The following OR2T11 variants were observed in gnomAD, a reference collection of about 807,000 sequenced individuals.
The protein encoded by OR2T11 is olfactory receptor 2T11.
OR2T11 carries 14 observed loss-of-function variants against 13.5 expected under a neutral mutation model. That is an observed-to-expected ratio of 1.04 (90% CI 0.69 to 1.62). The LOEUF is 1.62. Ranked by LOEUF, OR2T11 falls within the 40% of genes most tolerant of loss-of-function variation. OR2T11 has a pLI of 0.00. For synonymous variants in OR2T11, 163 were observed against 154.6 expected, an observed-to-expected ratio of 1.05 and a Z score of -0.40; for missense variants, 410 against 389.7, an observed-to-expected ratio of 1.05 and a Z score of -0.44.
Position 248,626,180 on chromosome 1 carries a change from A to G in OR2T11, c.949T>C (p.Ter317GlnextTer36). The change falls in exon 2 of 2, where the codon TAG (stop) becomes CAG (glutamine). Residue 317 changes from the stop codon to glutamine (Q), a stop_lost. Transcript: ENST00000641193. ...SAQKVATSDA[*>Q] is the part of the protein sequence containing the mutation. ...CTTATCCTCTGGGCAGTGACTCTCT[A>G]AGCATCACTTGTTGCTACTTTCTGA... 2 of 1,460,234 alleles carry G rather than the reference A, an allele frequency of 1.4e-6. No homozygotes were observed. Among genetic ancestry groups the G allele is most frequent in the Non-Finnish European group, 1.9e-6 (2 of 1,056,030 alleles). 90.5% of individuals were successfully genotyped at this position (1,460,234 alleles called of 1,614,324 possible). A position where few individuals can be genotyped will look rare whatever the true frequency, so the allele number is the denominator to read the frequency against.
chr1:248,627,858 G>T (rs1320240664), intron 1 of OR2T11, among the ~76,000 whole-genome samples: 1 of 143,036 alleles, frequency 7.0e-6, no homozygotes, highest in African/African-American at 2.8e-5. Context: ...TATGTCTAAA[G>T]TTGGGACTCC....
rs549129228 is a variant in OR2T11 at position 248,629,237 on chromosome 1, T to A, written c.-144-1965A>T. Among the ~76,000 whole-genome samples, 5 of 141,640 alleles carry A rather than the reference T, an allele frequency of 3.5e-5. 1 individual carries two copies. In the East Asian group the frequency reaches 1.0e-3, roughly 29 times the overall value. The allele number at this position is 141,640 out of a possible 152,430, so 92.9% of individuals were successfully genotyped here. The stretch of plus-strand genomic sequence containing the variant: ...GCCTGGGTAACAGAGCTCGTCTTTA[T>A]AAAAAACTAGCCAGGCGTGGTGGTG... On this transcript the variant is annotated intron_variant, in intron 1 of 1. Transcript: ENST00000641193.
chr1:248,634,223 A>C (rs887018478), intron 1 of OR2T11, among the ~76,000 whole-genome samples: 3 of 93,772 alleles, frequency 3.2e-5, no homozygotes, highest in Non-Finnish European at 6.4e-5. Context: ...AAAAGTTTTA[A>C]GTGCTTGCGA....
chr1:248,628,318 C>T (rs924673126), intron 1 of OR2T11, among the ~76,000 whole-genome samples: 1 of 141,486 alleles, frequency 7.1e-6, no homozygotes, highest in Non-Finnish European at 1.5e-5. Context: ...AATCGCCCCC[C>T]TCTCCCCGCC....
Position 248,634,503 on chromosome 1 carries a change from T to TA in OR2T11, c.-145+534dup, listed in dbSNP as rs1157740975. Among the ~76,000 whole-genome samples, 3 of 143,156 alleles carry TA rather than the reference T, an allele frequency of 2.1e-5. No individual in the cohort carries two copies. The East Asian group carries it at 6.0e-4, about 29-fold the overall frequency. The allele number at this position is 143,156 out of a possible 152,430, so 93.9% of individuals were successfully genotyped here. ...CATGGTCACGGGAGTCACCCAGGTT[T>TA]AAGAAATCCATCCTCAGTACAATCC... On this transcript the variant is annotated intron_variant, in intron 1 of 1. Coordinates refer to ENST00000641193, the MANE Select transcript of OR2T11 (RefSeq NM_001001964.2).
intron 1 of OR2T11, among the ~76,000 whole-genome samples, chr1:248,633,255 C>A (rs1660636854): frequency 7.2e-6 from 1 of 138,350 alleles, no homozygotes; most frequent in South Asian, 2.3e-4. Context: ...TCTAAGTGAC[C>A]ACTGGAATGT....
In OR2T11 at chr1:248,628,535, CA is replaced by C. The variant is rs1318156889; in HGVS notation, c.-144-1264del. Among the ~76,000 whole-genome samples the C allele has an allele frequency of 6.4e-5, 9 of 140,654 alleles. 3 individuals are homozygous for C. Among genetic ancestry groups the C allele is most frequent in the African/African-American group, 2.6e-4 (9 of 35,252 alleles). The allele number at this position is 140,654 out of a possible 152,430, so 92.3% of individuals were successfully genotyped here. Reference sequence around the variant, plus strand: ...CAGCTATGTTTGACTTTCAGATAATCAAAAAATGTTTTAGTGCAAGTTCATA... The same window carrying C: ...CAGCTATGTTTGACTTTCAGATAATCAAAAATGTTTTAGTGCAAGTTCATA... On this transcript the variant is annotated intron_variant, in intron 1 of 1. Transcript: ENST00000641193.
rs903431731 is a variant in OR2T11 at position 248,627,013 on chromosome 1, T to C, written c.116A>G (p.Asn39Ser). The part of the protein sequence containing the change: ...LAVFLGAVTA[N>S]LVMIFLIQVD... ...CTGAATCAAGAATATCATGACCAAA[T>C]TTGCAGTCACGGCCCCCAAGAAAAC... Residue 39 changes from asparagine (N) to serine (S), a missense_variant, in exon 2 of 2, where the codon AAT (asparagine) becomes AGT (serine). Asn to Ser is a conservative substitution (Grantham distance 46). Transcript: ENST00000641193. 1.9e-6 allele frequency: 3 copies of C among 1,569,354 alleles called. No individual in the cohort carries two copies. Among genetic ancestry groups the C allele is most frequent in the Admixed American group, 1.7e-5 (1 of 58,246 alleles).
At chr1:248,634,265 T>C (rs1389478955) in intron 1 of OR2T11, among the ~76,000 whole-genome samples, 1 of 143,104 alleles carries the variant, frequency 7.0e-6, no homozygotes, top group Non-Finnish European at 1.5e-5. Flanking sequence ...AGGTATGTGA[T>C]GATTTAACAA....
At position 248,623,960 on chromosome 1, in the gene OR2T11, G is replaced by C. The variant is rs1438406003; in HGVS notation, c.*2218C>G. ...CTCAAACTTTTGACGGGACCACCCT[G>C]ATCTTTACTCATAGACGCTCTCATT... is the stretch of plus-strand genomic sequence containing the variant. On this transcript the variant is annotated 3_prime_UTR_variant, in exon 2 of 2. Coordinates refer to ENST00000641193, the MANE Select transcript of OR2T11 (RefSeq NM_001001964.2). 7.1e-6 allele frequency: 1 copy of C among 141,426 alleles called. No homozygotes were observed. The highest frequency in any genetic ancestry group is 2.8e-5 in the African/African-American group (1 of 35,512). 8.8% of individuals were successfully genotyped at this position (141,426 alleles called of 1,614,324 possible).
rs376232934 is a variant in OR2T11, at chr1:248,629,673, C to CG, written c.-144-2402dup. On this transcript the variant is annotated intron_variant, in intron 1 of 1. Transcript: ENST00000641193. ...TTACATCATACATTAAGGCCCATCACGTTCTGAACATTTTGTCTTCTGAAA... is the reference window on the plus strand; with the variant it reads ...TTACATCATACATTAAGGCCCATCACGGTTCTGAACATTTTGTCTTCTGAAA... Among the ~76,000 whole-genome samples the CG allele has an allele frequency of 1.6e-4, 22 of 139,518 alleles. 5 individuals carry two copies. Among genetic ancestry groups the CG allele is most frequent in the African/African-American group, 6.3e-4 (22 of 34,720 alleles). 91.5% of individuals were successfully genotyped at this position (139,518 alleles called of 152,430 possible). A position where few individuals can be genotyped will look rare whatever the true frequency, so the allele number is the denominator to read the frequency against.
In OR2T11 at chr1:248,629,636, T is replaced by C. The variant is rs984677103; in HGVS notation, c.-144-2364A>G. On this transcript the variant is annotated intron_variant, in intron 1 of 1. Transcript: ENST00000641193. Reference sequence around the variant, plus strand: ...CCACGCCACTTTCTGCTTGAAACCCTGCAGTTGTGCTTTACATCATACATT... The same window carrying C: ...CCACGCCACTTTCTGCTTGAAACCCCGCAGTTGTGCTTTACATCATACATT... Among the ~76,000 whole-genome samples, 21 of 138,522 alleles carry C rather than the reference T, an allele frequency of 1.5e-4. 2 individuals carry two copies. Among genetic ancestry groups the C allele is most frequent in the Admixed American group, 4.2e-4 (6 of 14,258 alleles). The allele number at this position is 138,522 out of a possible 152,430, so 90.9% of individuals were successfully genotyped here.
rs139210090 is a variant in OR2T11, at chr1:248,634,528, C to A, written c.-145+510G>T. Among the ~76,000 whole-genome samples, 36 of 142,652 alleles carry A rather than the reference C, an allele frequency of 2.5e-4. 2 individuals carry two copies. In the East Asian group the frequency reaches 3.8e-3, roughly 15 times the overall value. 93.6% of individuals were successfully genotyped at this position (142,652 alleles called of 152,430 possible). On this transcript the variant is annotated intron_variant, in intron 1 of 1. Transcript: ENST00000641193. ...TAAGAAATCCATCCTCAGTACAATC[C>A]CAGCTGAAAAAGAAGCTTAAAAATG...
rs761177907 is a variant in OR2T11, at chr1:248,626,596, A to C, written c.533T>G (p.Ile178Ser). The C allele has an allele frequency of 6.4e-6, 10 of 1,573,448 alleles. 1 individual carries two copies. The highest frequency in any genetic ancestry group is 8.6e-6 in the Non-Finnish European group (10 of 1,156,848). Residue 178 changes from isoleucine (I) to serine (S), a missense_variant, in exon 2 of 2, where the codon ATC becomes AGC. Physicochemically the swap from Ile to Ser is moderately radical, Grantham distance 142. Coordinates refer to ENST00000641193, the MANE Select transcript of OR2T11 (RefSeq NM_001001964.2). ...SRSINHFFCE[I>S]PAVLKLACAD... ...ACAGGCCAGTTTCAGAACTGCTGGG[A>C]TCTCACAGAAAAAATGGTTGATACT...
chr1:248,633,209 G>A (rs1267829920), intron 1 of OR2T11, among the ~76,000 whole-genome samples: 7 of 128,530 alleles, frequency 5.4e-5, no homozygotes, highest in East Asian at 2.3e-4. Context: ...AACTGGACAT[G>A]TACTAAATAA....
chr1:248,626,224 A>G lies in OR2T11; in HGVS notation c.905T>C (p.Phe302Ser). ...TTTCTGAGCAGATGAGCAACATGCAAATACCTTTTTAAATGCCCCTATGAC... is the reference window on the plus strand; with the variant it reads ...TTTCTGAGCAGATGAGCAACATGCAGATACCTTTTTAAATGCCCCTATGAC... Reference protein sequence around the residue: ...KDVIGAFKKVFACCSSAQKVA... With the variant: ...KDVIGAFKKVSACCSSAQKVA... Residue 302 changes from phenylalanine to serine, a missense_variant, in exon 2 of 2, where the codon TTT becomes TCT. Transcript: ENST00000641193. 15 of 1,564,938 alleles carry G rather than the reference A, an allele frequency of 9.6e-6. No individual in the cohort carries two copies. The highest frequency in any genetic ancestry group is 1.3e-5 in the Non-Finnish European group (15 of 1,149,100).
In OR2T11 at chr1:248,628,931, G is replaced by A. The variant is rs185616774; in HGVS notation, c.-144-1659C>T. On this transcript the variant is annotated intron_variant, in intron 1 of 1. Transcript: ENST00000641193. ...TTTCAATTCTATTCCATTTCCCAAG[G>A]ATAGTGAACACAAATATTGCCTAAA... Among the ~76,000 whole-genome samples the A allele has an allele frequency of 5.3e-4, 76 of 142,836 alleles. 18 individuals are homozygous for A. Among genetic ancestry groups the A allele is most frequent in the African/African-American group, 2.0e-3 (72 of 36,216 alleles). 93.7% of individuals were successfully genotyped at this position (142,836 alleles called of 152,430 possible). A position where few individuals can be genotyped will look rare whatever the true frequency, so the allele number is the denominator to read the frequency against.
intron 1 of OR2T11, 93 bp from the exon 2 acceptor site, chr1:248,627,365 CT>C: frequency 2.0e-6 from 1 of 500,866 alleles, no homozygotes; most frequent in Non-Finnish European, 3.5e-6. Context: ...TATATTGCGT[CT>C]ATGGTTCATC....
In OR2T11 at chr1:248,626,159, T is replaced by A. The variant is rs751014918; in HGVS notation, c.*19A>T. On this transcript the variant is annotated 3_prime_UTR_variant, in exon 2 of 2. Coordinates refer to ENST00000641193, the MANE Select transcript of OR2T11 (RefSeq NM_001001964.2). ...TGGAGGAAGTCCTTAGGAAGCCTTA[T>A]CCTCTGGGCAGTGACTCTCTAAGCA... The A allele has an allele frequency of 3.0e-6, 4 of 1,337,786 alleles. No homozygotes were observed. Among genetic ancestry groups the A allele is most frequent in the Non-Finnish European group, 4.2e-6 (4 of 948,646 alleles). The allele number at this position is 1,337,786 out of a possible 1,614,324, so 82.9% of individuals were successfully genotyped here.
Sources: gnomAD v4.1 joint callset for allele counts (sites outside exome capture counted in the v4.1 genomes callset) on GRCh38, gnomAD v4.1.1 for gene constraint, MANE v1.5 for transcripts, NCBI Gene and HGNC (gene_info 2026-07-23, HGNC 2026-07-21) for gene names.